Variants in ASTN2 observed in about 807,000 individuals in gnomAD.
ASTN2 encodes the protein astrotactin-2.
In ASTN2, 54 loss-of-function variants were observed where a neutral mutation model predicts 139.8. The ratio of observed to expected loss-of-function variants is 0.39; its 90% CI spans 0.31 to 0.48. The LOEUF (loss-of-function observed/expected upper bound fraction) is 0.48, where lower values mean the gene tolerates loss of function less well. Among genes scored for constraint, ASTN2 ranks in the 20% least tolerant of loss-of-function variants. ASTN2 has a pLI of 0.95. For missense variants in ASTN2, 1,565 were observed against 1,725.1 expected (o/e 0.91, Z 1.64); for synonymous variants, 756 against 719.5 (o/e 1.05, Z -0.81).
At chr9:116,534,701 T>G (rs1182093300) in intron 19 of ASTN2, among the ~76,000 whole-genome samples, 1 of 152,206 alleles carries the variant, frequency 6.6e-6, no homozygotes, top group African/African-American at 2.4e-5. Flanking sequence ...TGAGGTCTAG[T>G]TTGATTGCAC....
chr9:116,486,514 C>T (rs540816073), intron 20 of ASTN2, among the ~76,000 whole-genome samples: 1 of 152,048 alleles, frequency 6.6e-6, no homozygotes, highest in South Asian at 2.1e-4. Context: ...TGAATGAATC[C>T]CTGAGTGTCT....
intron 1 of ASTN2, among the ~76,000 whole-genome samples, chr9:117,384,560 A>G (rs888752574): frequency 9.9e-5 from 15 of 152,190 alleles, no homozygotes; most frequent in Non-Finnish European, 1.5e-5. Context: ...CTTTTAATCC[A>G]ACCTTGGTTC....
chr9:117,289,566 C>T (rs1223657408), intron 2 of ASTN2, among the ~76,000 whole-genome samples: 1 of 152,152 alleles, frequency 6.6e-6, no homozygotes, highest in Admixed American at 6.5e-5. Flanking sequence ...AGTAAATGTG[C>T]TGAAACACAG....
rs1832949929 is a variant in ASTN2 at position 116,863,623 on chromosome 9, T to C, written c.2000A>G (p.Lys667Arg). 1 of 1,614,180 alleles carries C rather than the reference T, an allele frequency of 6.2e-7. No individual in the cohort carries two copies. Among genetic ancestry groups the C allele is most frequent in the Non-Finnish European group, 8.5e-7 (1 of 1,180,026 alleles). ...ATCCACCTGCCGGTCAGACACACAC[T>C]TGAAGTTGCGAGTGCAGCCCCCATT... ...RNNGGCTRNF[K>R]CVSDRQVDSS... Residue 667 changes from lysine to arginine, a missense_variant, in exon 11 of 23, where the codon AAG becomes AGG. Physicochemically the swap from Lys to Arg is conservative, Grantham distance 26. Around this residue, in one of 4 missense-constraint regions of ASTN2, gnomAD observed 503 missense variants for 591.7 expected, o/e 0.85. Transcript: ENST00000313400.
chr9:116,614,193 C>A (rs1200043398), intron 19 of ASTN2, among the ~76,000 whole-genome samples: 1 of 152,128 alleles, frequency 6.6e-6, no homozygotes, highest in African/African-American at 2.4e-5. Context: ...TCACGAAGAA[C>A]TACAAACCAC....
intron 3 of ASTN2, among the ~76,000 whole-genome samples, chr9:117,163,939 C>A (rs1387469974): frequency 6.6e-6 from 1 of 152,072 alleles, no homozygotes; most frequent in East Asian, 1.9e-4. Flanking sequence ...CTCCAGCGAC[C>A]AGCATAGTGC....
chr9:117,108,438 A>AACACACACACAT (rs1829161970), intron 4 of ASTN2, among the ~76,000 whole-genome samples: 1 of 145,234 alleles, frequency 6.9e-6, no homozygotes, highest in Non-Finnish European at 1.5e-5. Context: ...AACAAAACAA[A>AACACACACACAT]ACACACACAC....
Position 116,423,611 on chromosome 9 carries a change from A to G in ASTN2, c.*2240T>C, listed in dbSNP as rs1486397585. Among the ~76,000 whole-genome samples, 2 of 152,348 alleles carry G rather than the reference A, an allele frequency of 1.3e-5. No homozygotes were observed. The highest frequency in any genetic ancestry group is 4.1e-4 in the South Asian group (2 of 4,822). Reference sequence around the variant, plus strand: ...CATGTATACCCAGGAAGTGGTATACATGAGAGGCATTTAGAAGCTCCACCT... The same window carrying G: ...CATGTATACCCAGGAAGTGGTATACGTGAGAGGCATTTAGAAGCTCCACCT... On this transcript the variant is annotated 3_prime_UTR_variant, in exon 23 of 23. Transcript: ENST00000313400.
intron 2 of ASTN2, among the ~76,000 whole-genome samples, chr9:117,216,403 C>T (rs1832320277): frequency 6.6e-6 from 1 of 152,222 alleles, no homozygotes; most frequent in Non-Finnish European, 1.5e-5. Context: ...GGGCCCAAGC[C>T]CTGCCTTGAG....
chr9:117,047,796 T>C (rs1174104558), intron 5 of ASTN2, among the ~76,000 whole-genome samples: 4 of 152,060 alleles, frequency 2.6e-5, no homozygotes, highest in Non-Finnish European at 5.9e-5. Context: ...TTTGTATAGA[T>C]TTGTTTTGCT....
rs191290649 is a variant in ASTN2, at chr9:116,523,273, T to C, written c.3356-35773A>G. 4.4e-3 allele frequency among the ~76,000 whole-genome samples: 659 copies of C among 151,438 alleles called. 2 individuals carry two copies. The highest frequency in any genetic ancestry group is 0.021 in the Middle Eastern group (6 of 288). ...GGTAGCAAAGGAAGAGACAGAAAGGTCATCAAAAGCAGACACAGGAGAACT... is the reference window on the plus strand; with the variant it reads ...GGTAGCAAAGGAAGAGACAGAAAGGCCATCAAAAGCAGACACAGGAGAACT... On this transcript the variant is annotated intron_variant, in intron 19 of 22. Transcript: ENST00000313400.
chr9:116,978,862 C>T (rs961685435), intron 7 of ASTN2, among the ~76,000 whole-genome samples: 2 of 152,042 alleles, frequency 1.3e-5, no homozygotes, highest in Non-Finnish European at 2.9e-5. Context: ...TGCCAACAAC[C>T]TCATGCTATT....
chr9:116,485,440 G>A (rs1849307102), intron 20 of ASTN2, among the ~76,000 whole-genome samples: 1 of 152,212 alleles, frequency 6.6e-6, no homozygotes, highest in Admixed American at 6.5e-5. Context: ...CAGAATTATA[G>A]TTTTCAGAGT....
At chr9:117,016,863 A>G (rs189853479) in intron 6 of ASTN2, among the ~76,000 whole-genome samples, 8 of 150,050 alleles carry the variant, frequency 5.3e-5, no homozygotes, top group South Asian at 2.1e-4. Flanking sequence ...AAATACACCT[A>G]TTTCCAAATA....
chr9:116,713,613 C>G (rs1240009989), intron 16 of ASTN2, among the ~76,000 whole-genome samples: 1 of 152,170 alleles, frequency 6.6e-6, no homozygotes, highest in East Asian at 1.9e-4. Flanking sequence ...ACAAAGAGAA[C>G]TTTGGGAGTG....
intron 20 of ASTN2, among the ~76,000 whole-genome samples, chr9:116,452,051 C>T (rs767806961): frequency 1.1e-4 from 17 of 152,036 alleles, no homozygotes; most frequent in Non-Finnish European, 2.5e-4. Context: ...ATTGTACTAG[C>T]TATAGTACTT....
chr9:117,102,815 C>T (rs907217929), intron 4 of ASTN2, among the ~76,000 whole-genome samples: 3 of 152,066 alleles, frequency 2.0e-5, no homozygotes, highest in Admixed American at 6.6e-5. Context: ...AGTAACCGTG[C>T]CTGGCCAATT....
At chr9:116,563,160 G>T (rs1355420086) in intron 19 of ASTN2, among the ~76,000 whole-genome samples, 1 of 152,084 alleles carries the variant, frequency 6.6e-6, no homozygotes, top group African/African-American at 2.4e-5. Context: ...CGGATCATAA[G>T]GTCAGGAGAT....
At chr9:116,878,486 T>C (rs1449731461) in intron 10 of ASTN2, among the ~76,000 whole-genome samples, 5 of 151,914 alleles carry the variant, frequency 3.3e-5, no homozygotes, top group Admixed American at 6.6e-5. Context: ...CACTTATAAA[T>C]GGGAGCTGAA....
Sources: allele counts gnomAD v4.1 joint callset (sites outside exome capture counted in the v4.1 genomes callset), GRCh38; gene constraint gnomAD v4.1.1; regional missense constraint gnomAD v4.1.1; transcripts MANE v1.5; gene names NCBI Gene and HGNC (gene_info 2026-07-23, HGNC 2026-07-21).